Variants in TYW1B observed in about 807,000 individuals in gnomAD.
TYW1B encodes tRNA-yW synthesizing protein 1 homolog B, also known as S-adenosyl-L-methionine-dependent tRNA 4-demethylwyosine synthase TYW1B.
TYW1B carries 73 observed loss-of-function variants against 86.9 expected under a neutral mutation model. That is an observed-to-expected ratio of 0.84 (90% CI 0.70 to 1.02). The LOEUF is 1.02. Among genes scored for constraint, TYW1B ranks in the 50% least tolerant of loss-of-function variants. The pLI is 0.00. For missense variants in TYW1B, 637 were observed against 827.4 expected, an observed-to-expected ratio of 0.77 and a Z score of 2.82; for synonymous variants, 248 against 292.8, an observed-to-expected ratio of 0.85 and a Z score of 1.56.
chr7:72,748,674 A>G (rs1193699726), intron 7 of TYW1B, among the ~76,000 whole-genome samples: 1 of 151,728 alleles, frequency 6.6e-6, no homozygotes, highest in Admixed American at 6.6e-5. Context: ...ATGCTTTTTC[A>G]GAATCAATTG....
chr7:72,785,540 T>C (rs1788114596), intron 6 of TYW1B, among the ~76,000 whole-genome samples: 1 of 151,720 alleles, frequency 6.6e-6, no homozygotes, highest in Admixed American at 6.6e-5. Context: ...AAGAACTTTA[T>C]AAGGCAGATA....
intron 5 of TYW1B, among the ~76,000 whole-genome samples, chr7:72,805,053 G>C (rs1367920947): frequency 3.3e-5 from 5 of 151,868 alleles, no homozygotes; most frequent in Non-Finnish European, 5.9e-5. Context: ...AAGTTATCTT[G>C]AACACTGCAT....
At chr7:72,630,147 C>T (rs1440749096) in intron 11 of TYW1B, among the ~76,000 whole-genome samples, 2 of 152,062 alleles carry the variant, frequency 1.3e-5, no homozygotes, top group Non-Finnish European at 2.9e-5. Context: ...GGCGTGGCGG[C>T]GTGCACCTGT....
chr7:72,741,791 A>G (rs1162120965), intron 8 of TYW1B, among the ~76,000 whole-genome samples: 5 of 152,182 alleles, frequency 3.3e-5, no homozygotes, highest in South Asian at 2.1e-4. Flanking sequence ...TTAAAAGCCA[A>G]TTTCTCAGCA....
At chr7:72,692,300 C>T (rs1554450473) in intron 11 of TYW1B, among the ~76,000 whole-genome samples, 1 of 151,594 alleles carries the variant, frequency 6.6e-6, no homozygotes, top group East Asian at 1.9e-4. Context: ...CCCAACACTT[C>T]CAAGGCAGGA....
rs534971382 is a variant in TYW1B at position 72,818,940 on chromosome 7, G to T, written c.136-3459C>A. 1.1e-3 allele frequency among the ~76,000 whole-genome samples: 164 copies of T among 152,138 alleles called. 1 individual carries two copies. The highest frequency in any genetic ancestry group is 3.6e-3 in the African/African-American group (150 of 41,494). ...CGCCAAGCCCCACCTCCAACACTGG[G>T]GACTACGATTCGACATCAGATTTGG... On this transcript the variant is annotated intron_variant, in intron 2 of 13. Transcript: ENST00000620995.
At chr7:72,683,310 C>T (rs1554448718) in intron 11 of TYW1B, among the ~76,000 whole-genome samples, 2 of 152,190 alleles carry the variant, frequency 1.3e-5, no homozygotes, top group African/African-American at 4.8e-5. Flanking sequence ...TGGCTCACAC[C>T]TGTAATCCCA....
intron 7 of TYW1B, among the ~76,000 whole-genome samples, chr7:72,765,120 G>A (rs1941601613): frequency 6.6e-6 from 1 of 152,116 alleles, no homozygotes; most frequent in African/African-American, 2.4e-5. Context: ...TTGAATGCCT[G>A]GCTTCCAGAG....
intron 2 of TYW1B, 48 bp downstream of exon 2, chr7:72,826,807 T>A: frequency 6.3e-7 from 1 of 1,589,782 alleles, no homozygotes; most frequent in South Asian, 1.2e-5. Context: ...AAATCCTCTA[T>A]AAAATCTGAT....
chr7:72,675,556 T>C lies in TYW1B; in HGVS notation c.1506+19131A>G, dbSNP rs376121344. On this transcript the variant is annotated intron_variant, in intron 11 of 13. Transcript: ENST00000620995. ...TGATGTCAGTATATATATATATATA[T>C]ACACACATATATATATACACACACA... Among the ~76,000 whole-genome samples, 181 of 136,038 alleles carry C rather than the reference T, an allele frequency of 1.3e-3. 3 individuals carry two copies. In the East Asian group the frequency reaches 0.029, roughly 22 times the overall value. The allele number at this position is 136,038 out of a possible 152,430, so 89.2% of individuals were successfully genotyped here. A position where few individuals can be genotyped will look rare whatever the true frequency, so the allele number is the denominator to read the frequency against.
At chr7:72,820,585 G>A (rs1554480284) in intron 2 of TYW1B, among the ~76,000 whole-genome samples, 2 of 152,068 alleles carry the variant, frequency 1.3e-5, no homozygotes, top group East Asian at 1.9e-4. Flanking sequence ...GGGAGCTGGC[G>A]AGCACAAAGA....
At position 72,755,255 on chromosome 7, in the gene TYW1B, AG is replaced by A. The variant is rs554644193; in HGVS notation, c.965-10655del. On this transcript the variant is annotated intron_variant, in intron 7 of 13. Coordinates refer to ENST00000620995, the MANE Select transcript of TYW1B (RefSeq NM_001145440.3). ...CAACATAAGGAGACCCTGTCTCTACAGAAAAATTTAAAAATTAGCCAAACAT... is the reference window on the plus strand; with the variant it reads ...CAACATAAGGAGACCCTGTCTCTACAAAAAATTTAAAAATTAGCCAAACAT... Among the ~76,000 whole-genome samples the A allele has an allele frequency of 8.5e-5, 13 of 152,280 alleles. No individual in the cohort carries two copies. The East Asian group carries it at 2.5e-3, about 29-fold the overall frequency.
chr7:72,788,543 T>C (rs558494328), intron 6 of TYW1B, among the ~76,000 whole-genome samples: 1 of 152,298 alleles, frequency 6.6e-6, no homozygotes, highest in African/African-American at 2.4e-5. Flanking sequence ...TGTTTTGTTT[T>C]GTTTTTGAGA....
intron 11 of TYW1B, among the ~76,000 whole-genome samples, chr7:72,644,027 C>CA (rs1412310450): frequency 2.0e-5 from 3 of 151,920 alleles, no homozygotes; most frequent in African/African-American, 4.8e-5. Flanking sequence ...CCAAGATACA[C>CA]AAAAAAGATA....
At chr7:72,708,360 A>T (rs1348047217) in intron 10 of TYW1B, among the ~76,000 whole-genome samples, 4 of 152,210 alleles carry the variant, frequency 2.6e-5, no homozygotes, top group Admixed American at 6.5e-5. Flanking sequence ...ACAAGAGAAC[A>T]TTATTACTTC....
intron 6 of TYW1B, among the ~76,000 whole-genome samples, chr7:72,787,419 C>G (rs1788147490): frequency 6.7e-6 from 1 of 149,528 alleles, no homozygotes; most frequent in Non-Finnish European, 1.5e-5. Flanking sequence ...GCCAAGATTG[C>G]ACCACTGCAC....
chr7:72,703,202 T>C (rs1472846288), intron 10 of TYW1B, among the ~76,000 whole-genome samples: 5 of 151,334 alleles, frequency 3.3e-5, no homozygotes, highest in Non-Finnish European at 7.4e-5. Flanking sequence ...TTTTTTGTAT[T>C]TTTAGTAGAG....
intron 11 of TYW1B, among the ~76,000 whole-genome samples, chr7:72,642,132 T>C (rs1554441532): frequency 2.0e-5 from 3 of 152,106 alleles, no homozygotes; most frequent in Admixed American, 6.6e-5. Context: ...GGGGAAAAAA[T>C]AGTCTTTTCA....
intron 11 of TYW1B, among the ~76,000 whole-genome samples, chr7:72,667,663 A>C (rs1183054837): frequency 6.6e-6 from 1 of 152,172 alleles, no homozygotes; most frequent in Admixed American, 6.5e-5. Flanking sequence ...CAGTGAGCTG[A>C]GATCATGCCA....
Sources: allele counts gnomAD v4.1 joint callset (sites outside exome capture counted in the v4.1 genomes callset), GRCh38; gene constraint gnomAD v4.1.1; transcripts MANE v1.5; gene names NCBI Gene and HGNC (gene_info 2026-07-23, HGNC 2026-07-21).